UVRAG: variants seen among roughly 807,000 people sequenced by gnomAD.
The protein encoded by UVRAG is UV radiation resistance associated.
Under a neutral mutation model 78.0 loss-of-function variants are expected in UVRAG, and 19 were observed. The observed-to-expected ratio is 0.24, with a 90% CI of 0.17 to 0.36. The LOEUF (loss-of-function observed/expected upper bound fraction) is 0.36. UVRAG is among the 10% of genes least tolerant of loss of function. UVRAG has a pLI of 1.00. For missense variants in UVRAG, 740 were observed against 853.8 expected, an observed-to-expected ratio of 0.87 and a Z score of 1.66; for synonymous variants, 323 against 324.6, an observed-to-expected ratio of 1.00 and a Z score of 0.05.
chr11:76,018,924 C>T (rs1358671345), intron 12 of UVRAG, among the ~76,000 whole-genome samples: 1 of 152,122 alleles, frequency 6.6e-6, no homozygotes, highest in Non-Finnish European at 1.5e-5. Context: ...TTCCTTTCTA[C>T]TCCTATCTCT....
intron 5 of UVRAG, among the ~76,000 whole-genome samples, chr11:75,890,222 A>G (rs545546397): frequency 5.9e-5 from 9 of 152,344 alleles, no homozygotes; most frequent in East Asian, 5.8e-4. Flanking sequence ...TGTGATTATC[A>G]GATTTGCGTT....
At chr11:76,089,993 T>C (rs1448411054) in intron 13 of UVRAG, among the ~76,000 whole-genome samples, 1 of 152,284 alleles carries the variant, frequency 6.6e-6, no homozygotes. Context: ...CCTGCCTTAT[T>C]CTACCTCCGC....
intron 7 of UVRAG, among the ~76,000 whole-genome samples, chr11:75,964,148 T>TA (rs1176742857): frequency 6.6e-6 from 1 of 152,246 alleles, no homozygotes; most frequent in Non-Finnish European, 1.5e-5. Flanking sequence ...TTTAATTTGT[T>TA]AAAAAATTTT....
intron 13 of UVRAG, among the ~76,000 whole-genome samples, chr11:76,096,759 C>G (rs545832901): frequency 3.3e-5 from 5 of 152,164 alleles, no homozygotes; most frequent in Non-Finnish European, 7.3e-5. Flanking sequence ...AGAGCCTGTT[C>G]CACAAGCAAA....
chr11:75,890,172 A>G (rs1947184059), intron 5 of UVRAG, among the ~76,000 whole-genome samples: 2 of 152,212 alleles, frequency 1.3e-5, no homozygotes, highest in South Asian at 2.1e-4. Context: ...ATTTTACCCT[A>G]AGAACAGGGG....
chr11:76,109,546 T>A (rs967442636), intron 13 of UVRAG, among the ~76,000 whole-genome samples: 4 of 152,222 alleles, frequency 2.6e-5, no homozygotes, highest in African/African-American at 4.8e-5. Context: ...AGATTGGTTA[T>A]GTAACTTGCT....
At chr11:75,967,448 A>G (rs192480167) in intron 7 of UVRAG, among the ~76,000 whole-genome samples, 608 of 152,254 alleles carry the variant, frequency 4.0e-3, no homozygotes, top group Admixed American at 6.9e-3. Flanking sequence ...TTAAAAGCAG[A>G]TGTGTTAACT....
In UVRAG at chr11:75,911,986, G is replaced by C; in HGVS notation, c.540G>C (p.Leu180=). The part of the protein sequence containing the change: ...GYSNAQKTIL[L]QVDQNCVRNS... The stretch of plus-strand genomic sequence containing the variant: ...CAAATGCTCAGAAGACTATTCTTCT[G>C]CAGGTGGATCAGAACTGTGTTCGCA... The change falls in exon 6 of 15, where the codon CTG becomes CTC. Residue 180 remains leucine (L), a synonymous_variant. Transcript: ENST00000356136. 1 of 1,613,480 alleles carries C rather than the reference G, an allele frequency of 6.2e-7. No homozygotes were observed. The highest frequency in any genetic ancestry group is 1.1e-5 in the South Asian group (1 of 91,034).
At chr11:75,987,699 C>T (rs774428956) in intron 8 of UVRAG, among the ~76,000 whole-genome samples, 23 of 150,762 alleles carry the variant, frequency 1.5e-4, no homozygotes, top group Non-Finnish European at 2.5e-4. Context: ...TGTGGTTTAC[C>T]GTTTTGCATC....
At chr11:75,893,784 A>G (rs1947277357) in intron 5 of UVRAG, among the ~76,000 whole-genome samples, 1 of 149,566 alleles carries the variant, frequency 6.7e-6, no homozygotes, top group Non-Finnish European at 1.5e-5. Flanking sequence ...TTGAGGCTGC[A>G]GTGAGCTGTG....
chr11:75,891,019 G>A (rs1947202626), intron 5 of UVRAG, among the ~76,000 whole-genome samples: 1 of 152,014 alleles, frequency 6.6e-6, no homozygotes. Context: ...TTGCCCATTG[G>A]ATTTAGCAAA....
At chr11:75,820,919 A>C in intron 1 of UVRAG, among the ~76,000 whole-genome samples, 1 of 152,124 alleles carries the variant, frequency 6.6e-6, no homozygotes, top group East Asian at 1.9e-4. Flanking sequence ...GAAGACTGTG[A>C]TTAAATGTGA....
intron 3 of UVRAG, among the ~76,000 whole-genome samples, chr11:75,875,296 T>TTAGTGTCAC (rs1409984203): frequency 4.6e-5 from 7 of 152,212 alleles, no homozygotes; most frequent in Admixed American, 4.6e-4. Flanking sequence ...TGAGCATATG[T>TTAGTGTCAC]TAGTGTCACA....
At chr11:75,818,149 C>T (rs1945303529) in intron 1 of UVRAG, among the ~76,000 whole-genome samples, 1 of 152,104 alleles carries the variant, frequency 6.6e-6, no homozygotes, top group African/African-American at 2.4e-5. Flanking sequence ...TCTCTTCCAT[C>T]TCTGTTTTTC....
At chr11:75,880,640 C>T (rs1181303854) in intron 4 of UVRAG, among the ~76,000 whole-genome samples, 3 of 152,100 alleles carry the variant, frequency 2.0e-5, no homozygotes, top group Non-Finnish European at 2.9e-5. Flanking sequence ...CCACAGCCTC[C>T]GCCTCCCAAG....
intron 1 of UVRAG, among the ~76,000 whole-genome samples, chr11:75,820,344 A>T (rs1274041099): frequency 6.8e-6 from 1 of 146,316 alleles, no homozygotes; most frequent in Non-Finnish European, 1.5e-5. Context: ...CTCTATACCT[A>T]GTTTCACTTA....
chr11:75,923,709 C>T (rs939327622), intron 6 of UVRAG, among the ~76,000 whole-genome samples: 1 of 152,084 alleles, frequency 6.6e-6, no homozygotes, highest in Non-Finnish European at 1.5e-5. Context: ...TCGCTCTGTC[C>T]ATTTTTTCCT....
intron 6 of UVRAG, among the ~76,000 whole-genome samples, chr11:75,957,002 A>G (rs1444855839): frequency 6.7e-6 from 1 of 148,750 alleles, no homozygotes. Context: ...CAGTCTATGG[A>G]CTGTTTTTTT....
Position 76,008,879 on chromosome 11 carries a change from T to C in UVRAG, c.1060+12T>C. Reference sequence around the variant, plus strand: ...TGAGGACTTCCAAGGTATTTTATTTTTTATTTTGAAGATTTGTTATATATT... The same window carrying C: ...TGAGGACTTCCAAGGTATTTTATTTCTTATTTTGAAGATTTGTTATATATT... On this transcript the variant is annotated intron_variant, in intron 11 of 14. Transcript: ENST00000356136. The C allele has an allele frequency of 7.1e-7, 1 of 1,406,136 alleles. No individual in the cohort carries two copies. The highest frequency in any genetic ancestry group is 9.7e-7 in the Non-Finnish European group (1 of 1,034,962). 87.1% of individuals were successfully genotyped at this position (1,406,136 alleles called of 1,614,324 possible).
Sources: gnomAD v4.1 joint callset for allele counts (sites outside exome capture counted in the v4.1 genomes callset) on GRCh38, gnomAD v4.1.1 for gene constraint, MANE v1.5 for transcripts, NCBI Gene and HGNC (gene_info 2026-07-23, HGNC 2026-07-21) for gene names.